DENND2B: variants seen among roughly 807,000 people sequenced by gnomAD.
DENND2B encodes DENN domain-containing protein 2B.
In DENND2B, 32 loss-of-function variants were observed where a neutral mutation model predicts 116.0. The observed-to-expected ratio is 0.28, with a 90% CI of 0.21 to 0.37. DENND2B has a LOEUF of 0.37. DENND2B is among the 10% of genes least tolerant of loss of function. The pLI is 1.00. For synonymous variants in DENND2B, 588 were observed against 583.9 expected (o/e 1.01, Z -0.10); for missense variants, 1,276 against 1,477.7 (o/e 0.86, Z 2.24).
chr11:8,724,431 T>G (rs2046741814), intron 4 of DENND2B, among the ~76,000 whole-genome samples: 1 of 152,232 alleles, frequency 6.6e-6, no homozygotes, highest in African/African-American at 2.4e-5. Flanking sequence ...GACAGGGACA[T>G]AGAGAGGGAG....
Position 8,794,916 on chromosome 11 carries a change from A to G in DENND2B, c.-26+15601T>C, listed in dbSNP as rs2059683678. On this transcript the variant is annotated intron_variant, in intron 1 of 19. Coordinates refer to ENST00000313726, the MANE Select transcript of DENND2B (RefSeq NM_213618.2). ...CTGTGGACTTTGCCCTTGAAATTCAACTCCTGGCCTAAAGAGATAATCTCC... is the reference window on the plus strand; with the variant it reads ...CTGTGGACTTTGCCCTTGAAATTCAGCTCCTGGCCTAAAGAGATAATCTCC... 5 of 152,316 alleles carry G rather than the reference A, an allele frequency of 3.3e-5. No individual in the cohort carries two copies. In the South Asian group the frequency reaches 1.0e-3, roughly 32 times the overall value. 9.4% of individuals were successfully genotyped at this position (152,316 alleles called of 1,614,324 possible). A position where few individuals can be genotyped will look rare whatever the true frequency, so the allele number is the denominator to read the frequency against.
At chr11:8,781,615 TACACAC>T (rs35118063) in intron 1 of DENND2B, among the ~76,000 whole-genome samples, 2,816 of 148,990 alleles carry the variant, frequency 0.019, 34 homozygotes, top group African/African-American at 0.043. Flanking sequence ...AATTTAGGAA[TACACAC>T]ACACACACAC....
intron 14 of DENND2B, among the ~76,000 whole-genome samples, chr11:8,701,959 C>G (rs1175263595): frequency 6.6e-6 from 1 of 152,170 alleles, no homozygotes; most frequent in African/African-American, 2.4e-5. Context: ...TGCACATCAT[C>G]TGTTTCCCGG....
chr11:8,726,255 T>C, intron 3 of DENND2B, 46 bp from the exon 4 acceptor site: 1 of 1,562,524 alleles, frequency 6.4e-7, no homozygotes, highest in Non-Finnish European at 8.7e-7. Context: ...ATCAGATCTC[T>C]GCTGCCTTGC....
At chr11:8,772,718 G>T (rs1029253823) in intron 1 of DENND2B, among the ~76,000 whole-genome samples, 4 of 152,100 alleles carry the variant, frequency 2.6e-5, no homozygotes, top group Non-Finnish European at 5.9e-5. Flanking sequence ...ATGACCAGGG[G>T]ACACCTGGGC....
intron 4 of DENND2B, among the ~76,000 whole-genome samples, chr11:8,815,729 A>C (rs1163087224): frequency 6.6e-6 from 1 of 152,204 alleles, no homozygotes; most frequent in African/African-American, 2.4e-5. Context: ...CGTTGATATC[A>C]CTTTATCACT....
intron 4 of DENND2B, among the ~76,000 whole-genome samples, chr11:8,831,121 C>T (rs144289449): frequency 1.2e-4 from 18 of 152,272 alleles, no homozygotes; most frequent in Admixed American, 7.2e-4. Context: ...CTTGAGGAAG[C>T]CAACAAACTG....
intron 1 of DENND2B, among the ~76,000 whole-genome samples, chr11:8,779,493 C>T (rs955825005): frequency 6.8e-6 from 1 of 146,884 alleles, no homozygotes; most frequent in Non-Finnish European, 1.5e-5. Flanking sequence ...CTTTTTCTTT[C>T]TTTTCTTTCT....
chr11:8,736,593 C>A (rs1318299685), intron 2 of DENND2B, among the ~76,000 whole-genome samples: 4 of 152,138 alleles, frequency 2.6e-5, no homozygotes, highest in Non-Finnish European at 4.4e-5. Context: ...GTCAGGGAAG[C>A]CCCTCTTGCC....
At chr11:8,703,420 T>TGCCACAGCTCAGAGA (rs1184104803) in intron 13 of DENND2B, 1 of 152,150 alleles carries the variant, frequency 6.6e-6, no homozygotes. Flanking sequence ...CCAAGGTGAG[T>TGCCACAGCTCAGAGA]GCCACAGCTC....
intron 2 of DENND2B, among the ~76,000 whole-genome samples, chr11:8,745,830 A>G (rs770155444): frequency 2.0e-5 from 3 of 152,218 alleles, no homozygotes; most frequent in Non-Finnish European, 4.4e-5. Context: ...ACTGACCGCC[A>G]GCATCAACTG....
At chr11:8,803,183 G>GC (rs2060504412) in intron 1 of DENND2B, among the ~76,000 whole-genome samples, 1 of 151,968 alleles carries the variant, frequency 6.6e-6, no homozygotes, top group South Asian at 2.1e-4. Flanking sequence ...GCAGGAGTTG[G>GC]CCACCAGCCT....
At chr11:8,698,321 T>A (rs2040828601) in intron 16 of DENND2B, among the ~76,000 whole-genome samples, 1 of 151,986 alleles carries the variant, frequency 6.6e-6, no homozygotes, top group Non-Finnish European at 1.5e-5. Context: ...GTCTCAGGAA[T>A]GAAGTTAGAC....
intron 1 of DENND2B, among the ~76,000 whole-genome samples, chr11:8,893,820 A>G (rs2742530): frequency 0.93 from 141,985 of 152,034 alleles, 67,061 homozygotes; most frequent in East Asian, 1. Flanking sequence ...TGGCCATACT[A>G]CCCAAGGTAA....
At chr11:8,855,031 C>A (rs2063145557) in intron 3 of DENND2B, among the ~76,000 whole-genome samples, 1 of 126,976 alleles carries the variant, frequency 7.9e-6, no homozygotes, top group African/African-American at 2.9e-5. Flanking sequence ...GTGGTCCTAG[C>A]TACTCAAGAG....
chr11:8,909,586 T>C (rs2064288393), intron 1 of DENND2B, among the ~76,000 whole-genome samples: 1 of 152,136 alleles, frequency 6.6e-6, no homozygotes, highest in Admixed American at 6.5e-5. Flanking sequence ...TAAACCCTTA[T>C]TGAAGGAAAT....
chr11:8,766,651 C>T (rs755719740), intron 1 of DENND2B: 39 of 1,289,178 alleles, frequency 3.0e-5, no homozygotes, highest in Middle Eastern at 4.3e-4. Context: ...TTTGTTCCCA[C>T]GGGGTTTCTT....
chr11:8,848,578 T>C (rs2062890752), intron 3 of DENND2B, among the ~76,000 whole-genome samples: 1 of 152,204 alleles, frequency 6.6e-6, no homozygotes, highest in Non-Finnish European at 1.5e-5. Flanking sequence ...AGAGTGGTTA[T>C]AGATTTTTAA....
At chr11:8,718,702 T>G in intron 4 of DENND2B, 1 of 1,168,130 alleles carries the variant, frequency 8.6e-7, no homozygotes, top group Non-Finnish European at 1.1e-6. Flanking sequence ...AGGGGAGTTC[T>G]TGCTTCTCAG....
Sources: allele counts gnomAD v4.1 joint callset (sites outside exome capture counted in the v4.1 genomes callset), GRCh38; gene constraint gnomAD v4.1.1; transcripts MANE v1.5; gene names NCBI Gene and HGNC (gene_info 2026-07-23, HGNC 2026-07-21).